The following TRPM3 variants were observed in gnomAD, a reference collection of about 807,000 sequenced individuals.
TRPM3 encodes the protein long transient receptor potential channel 3.
TRPM3 carries 77 observed loss-of-function variants against 181.2 expected under a neutral mutation model. The observed-to-expected ratio is 0.42, with a 90% CI of 0.35 to 0.51. The LOEUF (loss-of-function observed/expected upper bound fraction) is 0.51. Ranked by LOEUF, TRPM3 falls within the 20% of genes least tolerant of loss-of-function variation. The probability of loss-of-function intolerance (pLI) is 0.01; values close to 1 mark genes in which losing one functional copy is unlikely to be tolerated. For missense variants in TRPM3, 1,759 were observed against 2,196.7 expected (o/e 0.80, Z 3.98); for synonymous variants, 745 against 796.4 (o/e 0.94, Z 1.09).
intron 1 of TRPM3, among the ~76,000 whole-genome samples, chr9:71,277,822 G>C (rs906687227): frequency 6.6e-6 from 1 of 152,218 alleles, no homozygotes; most frequent in Non-Finnish European, 1.5e-5. Flanking sequence ...ACATACACAT[G>C]AAATAGTTAA....
chr9:71,261,593 T>G (rs2083057940), intron 1 of TRPM3, among the ~76,000 whole-genome samples: 2 of 152,226 alleles, frequency 1.3e-5, no homozygotes, highest in East Asian at 1.9e-4. Context: ...TTCTGGTTTT[T>G]GGAATGTTCA....
intron 1 of TRPM3, among the ~76,000 whole-genome samples, chr9:70,962,049 T>C (rs1444678196): frequency 6.6e-6 from 1 of 152,142 alleles, no homozygotes; most frequent in African/African-American, 2.4e-5. Context: ...GTAGGAGAAC[T>C]AGAGAAGGCA....
rs540503637 is a variant in TRPM3 at position 70,917,548 on chromosome 9, C to T, written c.178-53037G>A. On this transcript the variant is annotated intron_variant, in intron 1 of 25. Coordinates refer to ENST00000677713, the MANE Select transcript of TRPM3 (RefSeq NM_001366145.2). ...GCACGCAGCTTTGTTTTCTTCTTTA[C>T]GCAAACAGTGTTAAGTTGTTATATC... The T allele has an allele frequency of 6.2e-5, 42 of 675,226 alleles. 1 individual carries two copies. The highest frequency in any genetic ancestry group is 8.5e-5 in the Non-Finnish European group (31 of 365,850). The allele number at this position is 675,226 out of a possible 1,614,324, so 41.8% of individuals were successfully genotyped here. A position where few individuals can be genotyped will look rare whatever the true frequency, so the allele number is the denominator to read the frequency against.
At position 71,446,294 on chromosome 9, in the gene TRPM3, GCA is replaced by G. The variant is rs370346671; in HGVS notation, c.183+357_183+358del. Among the ~76,000 whole-genome samples the G allele has an allele frequency of 1.1e-4, 17 of 152,286 alleles. No homozygotes were observed. In the East Asian group the frequency reaches 2.7e-3, roughly 24 times the overall value. On this transcript the variant is annotated intron_variant, in intron 1 of 24. Coordinates refer to the TRPM3 transcript ENST00000357533. The stretch of plus-strand genomic sequence containing the variant: ...GGAGGCCGAGTACCTTCGACATGCT[GCA>G]CAGACAGACCCTTGGGAACGTACAC...
Position 70,661,495 on chromosome 9 carries a change from A to G in TRPM3, c.1345+20011T>C, listed in dbSNP as rs2133933079. On this transcript the variant is annotated intron_variant, in intron 9 of 25. Coordinates refer to ENST00000677713, the MANE Select transcript of TRPM3 (RefSeq NM_001366145.2). ...ATCCAAATCAGAAAAAAGGATGTCA[A>G]ACCATCGCTGTTCACAGATTATATG... Among the ~76,000 whole-genome samples the G allele has an allele frequency of 1.3e-5, 2 of 152,264 alleles. 1 individual carries two copies. Among genetic ancestry groups the G allele is most frequent in the South Asian group, 4.1e-4 (2 of 4,824 alleles).
chr9:70,676,140 A>G (rs965588012), intron 9 of TRPM3, among the ~76,000 whole-genome samples: 2 of 152,218 alleles, frequency 1.3e-5, no homozygotes, highest in Non-Finnish European at 2.9e-5. Context: ...TGCTTTCCAG[A>G]AAAGAAAGCA....
chr9:71,116,991 A>C (rs145564658), intron 1 of TRPM3, among the ~76,000 whole-genome samples: 1 of 152,288 alleles, frequency 6.6e-6, no homozygotes, highest in Non-Finnish European at 1.5e-5. Flanking sequence ...GGAAAGAGGA[A>C]CTTCCTTCTC....
intron 1 of TRPM3, among the ~76,000 whole-genome samples, chr9:70,942,629 G>A (rs927900857): frequency 1.3e-5 from 2 of 152,124 alleles, no homozygotes; most frequent in Admixed American, 1.3e-4. Context: ...TGCTTTCCGT[G>A]CCTTTTATCT....
intron 1 of TRPM3, among the ~76,000 whole-genome samples, chr9:71,023,463 T>A (rs1162954120): frequency 5.3e-5 from 8 of 152,188 alleles, no homozygotes; most frequent in African/African-American, 1.7e-4. Context: ...TTATATAGAC[T>A]AACAATTGCA....
At chr9:70,987,324 C>T (rs1466648954) in intron 1 of TRPM3, among the ~76,000 whole-genome samples, 1 of 152,038 alleles carries the variant, frequency 6.6e-6, no homozygotes, top group Non-Finnish European at 1.5e-5. Flanking sequence ...TCCCTTTATT[C>T]AATTTTCAAA....
chr9:71,026,531 T>A (rs1159199764), intron 1 of TRPM3, among the ~76,000 whole-genome samples: 4 of 152,136 alleles, frequency 2.6e-5, no homozygotes, highest in Admixed American at 6.5e-5. Flanking sequence ...GCAGAGGAAC[T>A]CTTCCTTCCC....
chr9:71,391,405 A>G (rs1027069417), intron 1 of TRPM3, among the ~76,000 whole-genome samples: 5 of 152,092 alleles, frequency 3.3e-5, no homozygotes, highest in Non-Finnish European at 7.4e-5. Context: ...AAAATCGCTG[A>G]TAAAATATGA....
chr9:71,391,173 G>A (rs1217441703), intron 1 of TRPM3, among the ~76,000 whole-genome samples: 2 of 151,950 alleles, frequency 1.3e-5, no homozygotes, highest in African/African-American at 4.8e-5. Flanking sequence ...TGTCTATTAT[G>A]TACTAGGCAT....
intron 1 of TRPM3, among the ~76,000 whole-genome samples, chr9:71,211,363 T>TG (rs983236154): frequency 6.8e-6 from 1 of 146,614 alleles, no homozygotes; most frequent in Non-Finnish European, 1.5e-5. Flanking sequence ...ATGATTGTGT[T>TG]TTTTTTTTTT....
chr9:71,399,526 G>GTTTTTTT (rs1166936123), intron 1 of TRPM3, among the ~76,000 whole-genome samples: 65 of 62,722 alleles, frequency 1.0e-3, no homozygotes, highest in South Asian at 2.1e-3. Flanking sequence ...ATTTTCTTTT[G>GTTTTTTT]TTTTTTTTTT....
At chr9:71,270,209 G>T (rs2083686620) in intron 1 of TRPM3, among the ~76,000 whole-genome samples, 1 of 152,116 alleles carries the variant, frequency 6.6e-6, no homozygotes, top group Non-Finnish European at 1.5e-5. Context: ...AATTAGCCGG[G>T]GGTAGTGGTG....
chr9:70,978,360 G>A (rs938448831), intron 1 of TRPM3, among the ~76,000 whole-genome samples: 15 of 152,178 alleles, frequency 9.9e-5, no homozygotes, highest in Non-Finnish European at 2.1e-4. Flanking sequence ...AGCCAGTTAA[G>A]TGTAAGAAAA....
At chr9:71,027,097 C>A (rs1266293907) in intron 1 of TRPM3, among the ~76,000 whole-genome samples, 1 of 152,178 alleles carries the variant, frequency 6.6e-6, no homozygotes, top group African/African-American at 2.4e-5. Flanking sequence ...CTGGGAGCAC[C>A]TCAGCCCCTC....
At chr9:70,571,815 C>T (rs1290137202) in intron 22 of TRPM3, among the ~76,000 whole-genome samples, 6 of 152,110 alleles carry the variant, frequency 3.9e-5, no homozygotes, top group Non-Finnish European at 8.8e-5. Flanking sequence ...TACTACTTGA[C>T]CACCTAAATT....
Sources: gnomAD v4.1 joint callset for allele counts (sites outside exome capture counted in the v4.1 genomes callset) on GRCh38, gnomAD v4.1.1 for gene constraint, MANE v1.5 for transcripts, NCBI Gene and HGNC (gene_info 2026-07-23, HGNC 2026-07-21) for gene names.